Variants in TASP1 observed in about 807,000 individuals in gnomAD.
The protein encoded by TASP1 is threonine aspartase 1.
Under a neutral mutation model 56.6 loss-of-function variants are expected in TASP1, and 16 were observed. The observed-to-expected ratio is 0.28, with a 90% CI of 0.19 to 0.43. The LOEUF is 0.43. Ranked by LOEUF, TASP1 falls within the 20% of genes least tolerant of loss-of-function variation. TASP1 has a pLI of 1.00. For synonymous variants in TASP1, 179 were observed against 184.2 expected, an observed-to-expected ratio of 0.97 and a Z score of 0.23; for missense variants, 393 against 511.6, an observed-to-expected ratio of 0.77 and a Z score of 2.24.
the TASP1 span, among the ~76,000 whole-genome samples, chr20:13,181,487 G>A: frequency 2.0e-5 from 3 of 152,214 alleles, no homozygotes; most frequent in South Asian, 4.1e-4. Context: ...TAATCTTGAG[G>A]TCTATGGTCT....
intron 2 of TASP1, among the ~76,000 whole-genome samples, chr20:13,626,227 C>A (rs1201551297): frequency 6.6e-6 from 1 of 152,078 alleles, no homozygotes; most frequent in Non-Finnish European, 1.5e-5. Flanking sequence ...GTGTTTGAGA[C>A]CAGCCTGGCC....
the TASP1 span, among the ~76,000 whole-genome samples, chr20:13,350,782 G>T: frequency 1.3e-5 from 2 of 151,852 alleles, no homozygotes; most frequent in Admixed American, 6.6e-5. Flanking sequence ...GCCTTGAACT[G>T]CTAGGCACAT....
At chr20:13,523,367 G>C (rs1010855259) in intron 10 of TASP1, among the ~76,000 whole-genome samples, 7 of 152,118 alleles carry the variant, frequency 4.6e-5, no homozygotes, top group African/African-American at 1.7e-4. Flanking sequence ...CATGGCATTT[G>C]TCAATATCTC....
chr20:13,159,988 T>C, the TASP1 span: 2 of 1,531,700 alleles, frequency 1.3e-6, no homozygotes, highest in East Asian at 2.3e-5. Flanking sequence ...TTTTCTTTTT[T>C]TGCTTTTCCT....
the TASP1 span, among the ~76,000 whole-genome samples, chr20:13,217,740 A>G: frequency 1.3e-5 from 2 of 152,174 alleles, no homozygotes; most frequent in Non-Finnish European, 1.5e-5. Flanking sequence ...ATTGAGAATT[A>G]CTCTGTGCAA....
chr20:13,164,581 T>A, the TASP1 span: 1 of 613,606 alleles, frequency 1.6e-6, no homozygotes, highest in South Asian at 2.0e-5. Context: ...AACATTCCTC[T>A]AGGGTCTTAA....
At chr20:13,268,254 CCTCTT>C in the TASP1 span, among the ~76,000 whole-genome samples, 27 of 150,498 alleles carry the variant, frequency 1.8e-4, 1 homozygote, top group South Asian at 5.1e-3. Context: ...TCTCTTCACT[CCTCTT>C]CTCTTCTCTC....
chr20:13,153,384 C>CT, the TASP1 span, among the ~76,000 whole-genome samples: 1 of 152,130 alleles, frequency 6.6e-6, no homozygotes, highest in Non-Finnish European at 1.5e-5. Flanking sequence ...CAATGTTGTC[C>CT]TTTTTTCTGG....
chr20:13,562,925 G>A (rs1274414557), intron 7 of TASP1, among the ~76,000 whole-genome samples: 9 of 146,044 alleles, frequency 6.2e-5, no homozygotes, highest in South Asian at 4.4e-4. Flanking sequence ...ATGTGTGTGT[G>A]TGTGTGTGTG....
chr20:13,340,814 G>A, the TASP1 span, among the ~76,000 whole-genome samples: 1 of 152,142 alleles, frequency 6.6e-6, no homozygotes, highest in East Asian at 1.9e-4. Flanking sequence ...CTTCAGTAAT[G>A]ATTTTACTCT....
the TASP1 span, among the ~76,000 whole-genome samples, chr20:13,269,637 G>T: frequency 6.6e-6 from 1 of 152,050 alleles, no homozygotes; most frequent in South Asian, 2.1e-4. Flanking sequence ...TTATGGCAGG[G>T]TGCCACCTTC....
At chr20:13,506,215 A>C (rs1981416976) in intron 10 of TASP1, among the ~76,000 whole-genome samples, 1 of 142,248 alleles carries the variant, frequency 7.0e-6, no homozygotes, top group Admixed American at 6.9e-5. Context: ...AGAAAATCTC[A>C]ACAGACCAAT....
the TASP1 span, among the ~76,000 whole-genome samples, chr20:13,215,618 G>A: frequency 6.6e-6 from 1 of 152,174 alleles, no homozygotes; most frequent in African/African-American, 2.4e-5. Context: ...CTTCCAAGAA[G>A]CCGGTCCTAT....
chr20:13,274,634 T>A, the TASP1 span, among the ~76,000 whole-genome samples: 4,372 of 152,032 alleles, frequency 0.029, 199 homozygotes, highest in African/African-American at 0.096. Context: ...GCTAAGCCCA[T>A]GCAAGAGTCC....
chr20:13,204,194 C>T, the TASP1 span, among the ~76,000 whole-genome samples: 58 of 152,250 alleles, frequency 3.8e-4, no homozygotes, highest in Non-Finnish European at 5.6e-4. Flanking sequence ...CGTCTTAGTT[C>T]CAAGGCTGAA....
the TASP1 span, among the ~76,000 whole-genome samples, chr20:13,216,969 T>C: frequency 6.6e-6 from 1 of 152,192 alleles, no homozygotes; most frequent in Admixed American, 6.5e-5. Context: ...AGAAATGAAG[T>C]GTACTAGAAT....
intron 6 of TASP1, among the ~76,000 whole-genome samples, chr20:13,571,890 C>T (rs115123993): frequency 0.011 from 1,729 of 152,160 alleles, 35 homozygotes; most frequent in African/African-American, 0.04. Flanking sequence ...GGTCTTCACC[C>T]TGAATGTTCC....
At chr20:13,438,652 A>T (rs1292911147) in intron 11 of TASP1, among the ~76,000 whole-genome samples, 6 of 152,234 alleles carry the variant, frequency 3.9e-5, no homozygotes, top group Non-Finnish European at 7.3e-5. Flanking sequence ...AAAATTGACA[A>T]ATGGGATCTA....
the TASP1 span, among the ~76,000 whole-genome samples, chr20:13,139,732 AG>A: frequency 6.6e-6 from 1 of 152,244 alleles, no homozygotes; most frequent in Admixed American, 6.5e-5. Context: ...ACTTTGCCAC[AG>A]TACTTAACCT....
Sources: gnomAD v4.1 joint callset for allele counts (sites outside exome capture counted in the v4.1 genomes callset) on GRCh38, gnomAD v4.1.1 for gene constraint, MANE v1.5 for transcripts, NCBI Gene and HGNC (gene_info 2026-07-23, HGNC 2026-07-21) for gene names.